Variants in GABRA3 observed in about 807,000 individuals in gnomAD.
GABRA3 encodes gamma-aminobutyric acid type A receptor subunit alpha3.
A neutral mutation model predicts 30.1 loss-of-function variants in GABRA3; 10 were observed. The ratio of observed to expected loss-of-function variants is 0.33; its 90% CI spans 0.20 to 0.56. The LOEUF (loss-of-function observed/expected upper bound fraction) is 0.56, where lower values mean the gene tolerates loss of function less well. Among genes scored for constraint, GABRA3 ranks in the 20% least tolerant of loss-of-function variants. The pLI, the probability that GABRA3 is intolerant of heterozygous loss-of-function variation, is 0.89. For missense variants in GABRA3, 233 were observed against 392.0 expected (o/e 0.59, Z 3.42); for synonymous variants, 151 against 146.8 (o/e 1.03, Z -0.21).
At chrX:152,444,539 T>C (rs1249799762) in intron 1 of GABRA3, among the ~76,000 whole-genome samples, 1 of 110,668 alleles carries the variant, frequency 9.0e-6, no homozygotes, top group Non-Finnish European at 1.9e-5. Flanking sequence ...CAACCTTTCC[T>C]GAAACCATTC....
At chrX:152,432,630 T>G (rs1930674155) in intron 1 of GABRA3, among the ~76,000 whole-genome samples, 1 of 110,658 alleles carries the variant, frequency 9.0e-6, no homozygotes, top group African/African-American at 3.3e-5. Flanking sequence ...CTCCTAACAC[T>G]CTGCATACAA....
chrX:152,317,863 AG>A (rs1939902137), intron 3 of GABRA3, among the ~76,000 whole-genome samples: 1 of 111,688 alleles, frequency 9.0e-6, no homozygotes, highest in Admixed American at 9.5e-5. Context: ...TACATCAAAA[AG>A]TCTGAAAGAG....
chrX:152,310,283 A>C (rs962541773), intron 3 of GABRA3, among the ~76,000 whole-genome samples: 21 of 112,270 alleles, frequency 1.9e-4, no homozygotes, highest in African/African-American at 5.5e-4. Context: ...AACCAAATGG[A>C]CTTAGCAGAT....
intron 6 of GABRA3, among the ~76,000 whole-genome samples, chrX:152,217,939 A>C (rs189707430): frequency 1.9e-5 from 2 of 107,051 alleles, no homozygotes; most frequent in East Asian, 2.9e-4. Flanking sequence ...TATTTTCTTT[A>C]ATTTTTAAAA....
intron 3 of GABRA3, among the ~76,000 whole-genome samples, chrX:152,297,901 C>T (rs1939558804): frequency 8.9e-6 from 1 of 111,883 alleles, no homozygotes; most frequent in Non-Finnish European, 1.9e-5. Context: ...CCTTGGAGCA[C>T]CATTATAACA....
intron 1 of GABRA3, among the ~76,000 whole-genome samples, chrX:152,406,359 C>T (rs934655814): frequency 9.4e-6 from 1 of 106,870 alleles, no homozygotes; most frequent in Non-Finnish European, 1.9e-5. Flanking sequence ...TAGAGACACA[C>T]GTAGAATGAA....
At chrX:152,330,493 T>C (rs1227873557) in intron 3 of GABRA3, among the ~76,000 whole-genome samples, 1 of 111,979 alleles carries the variant, frequency 8.9e-6, no homozygotes, top group Non-Finnish European at 1.9e-5. Context: ...ATGTGGCACA[T>C]ATACACCATG....
chrX:152,236,574 A>C (rs1254665123), intron 5 of GABRA3, among the ~76,000 whole-genome samples: 6 of 101,835 alleles, frequency 5.9e-5, no homozygotes, highest in Non-Finnish European at 1.0e-4. Flanking sequence ...CGCCACACTG[A>C]CTTCCACAAT....
intron 5 of GABRA3, among the ~76,000 whole-genome samples, chrX:152,231,954 G>A (rs146311285): frequency 0.025 from 2,738 of 111,433 alleles, 46 homozygotes; most frequent in Middle Eastern, 0.065. Context: ...CAAGAAAGAC[G>A]AATCTATAGA....
In GABRA3 at chrX:152,361,424, T is replaced by A. The variant is rs181301219; in HGVS notation, c.140+3007A>T. Among the ~76,000 whole-genome samples, 752 of 108,409 alleles carry A rather than the reference T, an allele frequency of 6.9e-3. 11 individuals carry two copies. Among genetic ancestry groups the A allele is most frequent in the African/African-American group, 0.023 (693 of 29,786 alleles). The allele number at this position is 108,409 out of a possible 115,157, so 94.1% of individuals were successfully genotyped here. A position where few individuals can be genotyped will look rare whatever the true frequency, so the allele number is the denominator to read the frequency against. On this transcript the variant is annotated intron_variant, in intron 2 of 9. Coordinates refer to ENST00000370314, the MANE Select transcript of GABRA3 (RefSeq NM_000808.4). ...CCCATCTCTACTAAAAATACAAAAA[T>A]TAGCTGGGCGTGGTGGCATGTGCCT...
Position 152,236,269 on chromosome X carries a change from T to G in GABRA3, c.552-11424A>C, listed in dbSNP as rs1385339052. 2.8e-5 allele frequency among the ~76,000 whole-genome samples: 3 copies of G among 105,659 alleles called. No homozygotes were observed. The East Asian group carries it at 8.9e-4, about 31-fold the overall frequency. The allele number at this position is 105,659 out of a possible 115,157, so 91.8% of individuals were successfully genotyped here. A position where few individuals can be genotyped will look rare whatever the true frequency, so the allele number is the denominator to read the frequency against. ...GTTTGGTTTTTTGTTCTTGCGATAG[T>G]TTACTGATAATGATGATTTCCAATT... On this transcript the variant is annotated intron_variant, in intron 5 of 9. Transcript: ENST00000370314.
intron 3 of GABRA3, among the ~76,000 whole-genome samples, chrX:152,288,222 A>G (rs1939332556): frequency 8.9e-6 from 1 of 111,828 alleles, no homozygotes. Flanking sequence ...GGGGACCACT[A>G]TGCCTTGATG....
intron 1 of GABRA3, among the ~76,000 whole-genome samples, chrX:152,371,747 C>T (rs1336705382): frequency 5.4e-5 from 6 of 111,440 alleles, no homozygotes; most frequent in Admixed American, 2.9e-4. Flanking sequence ...TCATCTATCA[C>T]TCCACTGAAT....
At chrX:152,382,399 T>C (rs1482148065) in intron 1 of GABRA3, among the ~76,000 whole-genome samples, 1 of 112,073 alleles carries the variant, frequency 8.9e-6, no homozygotes, top group Non-Finnish European at 1.9e-5. Flanking sequence ...GAACTAGAAA[T>C]ATCATTTGAC....
chrX:152,432,429 C>A (rs955773783), intron 1 of GABRA3, among the ~76,000 whole-genome samples: 68 of 110,400 alleles, frequency 6.2e-4, no homozygotes, highest in African/African-American at 2.3e-3. Flanking sequence ...AAAAAAAAAT[C>A]ATATGCTTTC....
chrX:152,249,354 T>C (rs1300084946), intron 5 of GABRA3, among the ~76,000 whole-genome samples: 1 of 111,586 alleles, frequency 9.0e-6, no homozygotes, highest in African/African-American at 3.3e-5. Context: ...GAAAGAGCAG[T>C]AACATGAAGC....
intron 5 of GABRA3, among the ~76,000 whole-genome samples, chrX:152,235,123 CT>C (rs1392016503): frequency 9.0e-6 from 1 of 111,662 alleles, no homozygotes; most frequent in Non-Finnish European, 1.9e-5. Context: ...TTTCCCATTT[CT>C]TTGTGTCATT....
chrX:152,305,026 T>G (rs1199754914), intron 3 of GABRA3, among the ~76,000 whole-genome samples: 2 of 111,844 alleles, frequency 1.8e-5, no homozygotes, highest in Non-Finnish European at 3.8e-5. Flanking sequence ...ATCAATCTTT[T>G]TTCACATTTC....
intron 5 of GABRA3, among the ~76,000 whole-genome samples, chrX:152,229,717 A>G (rs1419022333): frequency 9.0e-6 from 1 of 110,586 alleles, no homozygotes; most frequent in South Asian, 3.8e-4. Context: ...CATAAACTAG[A>G]TAGTATAAGG....
Sources: gnomAD v4.1 joint callset for allele counts (sites outside exome capture counted in the v4.1 genomes callset) on GRCh38, gnomAD v4.1.1 for gene constraint, MANE v1.5 for transcripts, NCBI Gene and HGNC (gene_info 2026-07-23, HGNC 2026-07-21) for gene names.